The following SCN2A variants were observed in gnomAD, a reference collection of about 807,000 sequenced individuals.
SCN2A encodes sodium voltage-gated channel alpha subunit 2, also known as sodium channel protein type 2 subunit alpha.
SCN2A carries 20 observed loss-of-function variants against 188.7 expected under a neutral mutation model. That is an observed-to-expected ratio of 0.11 (90% CI 0.07 to 0.15). SCN2A has a LOEUF of 0.15. Among genes scored for constraint, SCN2A ranks in the 10% least tolerant of loss-of-function variants. SCN2A has a pLI of 1.00. For missense variants in SCN2A, 1,278 were observed against 2,445.0 expected, an observed-to-expected ratio of 0.52 and a Z score of 10.07; for synonymous variants, 804 against 833.1, an observed-to-expected ratio of 0.97 and a Z score of 0.60.
chr2:165,261,997 A>T (rs987674054), intron 1 of SCN2A, among the ~76,000 whole-genome samples: 3 of 152,192 alleles, frequency 2.0e-5, no homozygotes, highest in Non-Finnish European at 4.4e-5. Flanking sequence ...CTAGTGTTTT[A>T]TCCAGATATC....
chr2:165,340,654 A>T (rs1227006949), intron 14 of SCN2A, among the ~76,000 whole-genome samples: 2 of 152,340 alleles, frequency 1.3e-5, no homozygotes, highest in East Asian at 3.9e-4. Context: ...AACTTATTAT[A>T]AAAGGAAAAC....
intron 1 of SCN2A, among the ~76,000 whole-genome samples, chr2:165,262,051 A>G (rs1694617838): frequency 6.6e-6 from 1 of 152,192 alleles, no homozygotes; most frequent in African/African-American, 2.4e-5. Flanking sequence ...TATGGTTGCA[A>G]TACGGTCTGG....
At chr2:165,251,373 A>G (rs941285488) in intron 1 of SCN2A, among the ~76,000 whole-genome samples, 4 of 152,124 alleles carry the variant, frequency 2.6e-5, no homozygotes, top group African/African-American at 9.6e-5. Flanking sequence ...TGTAGAAATA[A>G]TAAAAGAAAA....
chr2:165,284,477 T>C (rs1418899326), intron 1 of SCN2A, among the ~76,000 whole-genome samples: 2 of 152,104 alleles, frequency 1.3e-5, no homozygotes, highest in Non-Finnish European at 2.9e-5. Context: ...CCTGTTATTA[T>C]TATTATTTCA....
intron 17 of SCN2A, among the ~76,000 whole-genome samples, chr2:165,359,472 T>C (rs764907448): frequency 6.6e-6 from 1 of 152,050 alleles, no homozygotes; most frequent in Non-Finnish European, 1.5e-5. Context: ...GGTGGTAGAA[T>C]AGAAGCTAAG....
chr2:165,302,234 A>T (rs1371882294), intron 3 of SCN2A, among the ~76,000 whole-genome samples: 2 of 152,222 alleles, frequency 1.3e-5, no homozygotes, highest in South Asian at 4.1e-4. Flanking sequence ...TTAGTTATCT[A>T]CTGGCAAATA....
chr2:165,332,945 C>T (rs1574614592), intron 14 of SCN2A, among the ~76,000 whole-genome samples: 1 of 151,992 alleles, frequency 6.6e-6, no homozygotes, highest in South Asian at 2.1e-4. Context: ...TGGGCATTTT[C>T]CTACTATTGC....
chr2:165,386,479 T>C (rs1171147719), intron 25 of SCN2A, among the ~76,000 whole-genome samples: 2 of 151,220 alleles, frequency 1.3e-5, no homozygotes, highest in African/African-American at 4.9e-5. Context: ...ATAAAAAAAA[T>C]TAAAAAAAAG....
intron 3 of SCN2A, among the ~76,000 whole-genome samples, chr2:165,307,411 A>G (rs1317888891): frequency 6.6e-6 from 1 of 152,108 alleles, no homozygotes; most frequent in Non-Finnish European, 1.5e-5. Flanking sequence ...GGACCTTATT[A>G]TAAGACATTC....
At chr2:165,362,136 CT>C (rs1700491212) in intron 17 of SCN2A, among the ~76,000 whole-genome samples, 1 of 152,006 alleles carries the variant, frequency 6.6e-6, no homozygotes, top group Admixed American at 6.6e-5. Flanking sequence ...AAAACATGAT[CT>C]TTCCTCCAAA....
intron 25 of SCN2A, among the ~76,000 whole-genome samples, chr2:165,383,508 A>T (rs10181853): frequency 0.42 from 63,418 of 151,894 alleles, 13,434 homozygotes; most frequent in East Asian, 0.54. Context: ...GTTAAGGAGT[A>T]GTTTTCATCC....
At chr2:165,278,109 T>C (rs947372591) in intron 1 of SCN2A, among the ~76,000 whole-genome samples, 1 of 152,210 alleles carries the variant, frequency 6.6e-6, no homozygotes, top group Non-Finnish European at 1.5e-5. Context: ...CTGGGTTGAA[T>C]TGGTGTCATG....
intron 4 of SCN2A, 32 bp downstream of exon 4, chr2:165,307,969 C>A: frequency 7.1e-7 from 1 of 1,401,848 alleles, no homozygotes; most frequent in Non-Finnish European, 1.0e-6. Flanking sequence ...TATTGACCTC[C>A]CTTTATGTTT....
At chr2:165,246,187 G>T (rs1220569950) in intron 1 of SCN2A, among the ~76,000 whole-genome samples, 1 of 152,172 alleles carries the variant, frequency 6.6e-6, no homozygotes, top group Non-Finnish European at 1.5e-5. Flanking sequence ...CATCTTTTAA[G>T]GAGTTTTCAT....
chr2:165,387,562 A>G (rs1356241088), intron 26 of SCN2A, among the ~76,000 whole-genome samples: 1 of 152,172 alleles, frequency 6.6e-6, no homozygotes, highest in East Asian at 1.9e-4. Flanking sequence ...TTGAAAATCC[A>G]AAACAGATTT....
chr2:165,257,823 C>T (rs1694396691), intron 1 of SCN2A, among the ~76,000 whole-genome samples: 1 of 152,144 alleles, frequency 6.6e-6, no homozygotes, highest in Non-Finnish European at 1.5e-5. Context: ...CAGGCGTGAG[C>T]CACCACACCC....
intron 22 of SCN2A, 38 bp from the exon 23 acceptor site, chr2:165,377,559 T>G (rs376334562): frequency 6.0e-5 from 92 of 1,543,812 alleles, no homozygotes; most frequent in Non-Finnish European, 7.6e-5. Context: ...AAAATTATAA[T>G]TTTGGGAAAA....
At chr2:165,368,181 A>G (rs1004529180) in intron 19 of SCN2A, among the ~76,000 whole-genome samples, 1 of 152,080 alleles carries the variant, frequency 6.6e-6, no homozygotes, top group Non-Finnish European at 1.5e-5. Flanking sequence ...CTTCCCCTGG[A>G]GTCTGGCCAT....
chr2:165,388,479 A>G (rs893863936), intron 26 of SCN2A, 150 bp from the exon 27 acceptor site: 233 of 1,113,648 alleles, frequency 2.1e-4, no homozygotes, highest in Middle Eastern at 1.5e-3. Context: ...TACCAGTTTC[A>G]TTTTGCTCAA....
Sources: gnomAD v4.1 joint callset for allele counts (sites outside exome capture counted in the v4.1 genomes callset) on GRCh38, gnomAD v4.1.1 for gene constraint, MANE v1.5 for transcripts, NCBI Gene and HGNC (gene_info 2026-07-23, HGNC 2026-07-21) for gene names.